The following ASPSCR1 variants were observed in gnomAD, a reference collection of about 807,000 sequenced individuals.
ASPSCR1 encodes tether containing UBX domain for GLUT4.
In ASPSCR1, 55 loss-of-function variants were observed where a neutral mutation model predicts 68.9. That is an observed-to-expected ratio of 0.80 (90% CI 0.64 to 1.00). The LOEUF is 1.00. Among genes scored for constraint, ASPSCR1 ranks in the 50% least tolerant of loss-of-function variants. The pLI is 0.00. For synonymous variants in ASPSCR1, 352 were observed against 332.6 expected, an observed-to-expected ratio of 1.06 and a Z score of -0.63; for missense variants, 765 against 762.2, an observed-to-expected ratio of 1.00 and a Z score of -0.04.
intron 12 of ASPSCR1, chr17:82,015,907 C>T (rs963641327): frequency 1.2e-5 from 2 of 169,234 alleles, no homozygotes; most frequent in East Asian, 1.7e-4. Flanking sequence ...AAAGCATTCA[C>T]GGCCCTTGTT....
intron 7 of ASPSCR1, 127 bp downstream of exon 7, chr17:81,996,973 G>A (rs940536568): frequency 6.7e-7 from 1 of 1,499,908 alleles, no homozygotes; most frequent in African/African-American, 1.4e-5. Context: ...AACGCGCAGA[G>A]GAACCCAAAC....
chr17:82,000,274 G>A (rs976126483), intron 7 of ASPSCR1, among the ~76,000 whole-genome samples: 8 of 152,246 alleles, frequency 5.3e-5, no homozygotes, highest in African/African-American at 1.9e-4. Context: ...TCGCAGCCCA[G>A]AGTAGTGCCC....
intron 9 of ASPSCR1, among the ~76,000 whole-genome samples, chr17:82,010,392 G>A (rs1185622460): frequency 1.4e-4 from 22 of 151,914 alleles, no homozygotes; most frequent in Admixed American, 8.5e-4. Context: ...AGTCAGGAGA[G>A]GTGGCGCACG....
chr17:81,980,522 C>T (rs975532685), intron 2 of ASPSCR1, among the ~76,000 whole-genome samples: 9 of 152,368 alleles, frequency 5.9e-5, no homozygotes, highest in Non-Finnish European at 1.0e-4. Flanking sequence ...CACCATCCTT[C>T]TCCAGTCTCT....
intron 1 of ASPSCR1, 147 bp from the exon 2 acceptor site, chr17:81,979,037 C>A: frequency 1.4e-6 from 1 of 739,270 alleles, no homozygotes; most frequent in Non-Finnish European, 2.4e-6. Flanking sequence ...GTTGCGGGGA[C>A]CGTCCATAGT....
intron 12 of ASPSCR1, chr17:82,014,450 C>T (rs113259462): frequency 1.3e-5 from 2 of 155,244 alleles, no homozygotes; most frequent in African/African-American, 4.8e-5. Flanking sequence ...CACCGTGGTG[C>T]CTTCTCTCTC....
intron 2 of ASPSCR1, chr17:81,982,822 C>CT (rs1423348068): frequency 1.6e-5 from 2 of 121,614 alleles, no homozygotes; most frequent in Non-Finnish European, 3.5e-5. Flanking sequence ...CTTTCCTTTC[C>CT]TTTTTTCTTT....
Position 81,986,717 on chromosome 17 carries a change from T to C in ASPSCR1, c.374+1110T>C, listed in dbSNP as rs995300553. On this transcript the variant is annotated intron_variant, in intron 4 of 15. Coordinates refer to ENST00000306739, the MANE Select transcript of ASPSCR1 (RefSeq NM_024083.4). This position sits in a 1 kb window ranked among gnomAD's most constrained non-coding sequence, Gnocchi z 5.2. ...GAGTTCATGTCTTGAGGACCGAGCA[T>C]AGGGCCTGTGGGAAGGTGACCGCGC... is the stretch of plus-strand genomic sequence containing the variant. Among the ~76,000 whole-genome samples, 1 of 125,238 alleles carries C rather than the reference T, an allele frequency of 8.0e-6. No homozygotes were observed. The highest frequency in any genetic ancestry group is 3.8e-5 in the African/African-American group (1 of 26,590). 82.2% of individuals were successfully genotyped at this position (125,238 alleles called of 152,430 possible). A position where few individuals can be genotyped will look rare whatever the true frequency, so the allele number is the denominator to read the frequency against.
intron 7 of ASPSCR1, chr17:82,006,465 G>A (rs975189883): frequency 1.3e-5 from 2 of 152,246 alleles, no homozygotes; most frequent in African/African-American, 4.8e-5. Context: ...TCACTGTTGT[G>A]TCTGCCCATC....
intron 5 of ASPSCR1, chr17:81,995,267 T>G: frequency 5.4e-6 from 2 of 373,586 alleles, no homozygotes; most frequent in African/African-American, 2.1e-5. Context: ...CCACGCTGGC[T>G]GAGTGCCCTT....
intron 7 of ASPSCR1, among the ~76,000 whole-genome samples, chr17:82,000,936 G>A (rs1024873598): frequency 5.9e-5 from 9 of 152,096 alleles, no homozygotes; most frequent in Non-Finnish European, 1.0e-4. Flanking sequence ...CAGCTGGCAC[G>A]AGGGCCGCTC....
At chr17:81,995,894 C>G in intron 5 of ASPSCR1, 98 bp from the exon 6 acceptor site, 2 of 1,183,470 alleles carry the variant, frequency 1.7e-6, no homozygotes, top group Non-Finnish European at 2.4e-6. Flanking sequence ...AGAGAGGGCA[C>G]GTGGCCTGTG....
chr17:82,010,418 G>A (rs995120720), intron 9 of ASPSCR1, among the ~76,000 whole-genome samples: 5 of 151,456 alleles, frequency 3.3e-5, no homozygotes, highest in Admixed American at 2.6e-4. Flanking sequence ...AGTCCCAGCT[G>A]CTCGGGAGGC....
chr17:81,984,013 C>A (rs895863266), intron 3 of ASPSCR1, among the ~76,000 whole-genome samples: 9 of 151,992 alleles, frequency 5.9e-5, no homozygotes, highest in Non-Finnish European at 1.3e-4. Flanking sequence ...CGCCACCACA[C>A]CCGGCTAATT....
rs139956530 is a variant in ASPSCR1, at chr17:81,992,231, G to T, written c.375-2590G>T. ...CCTGCGGACATTGGGACTTGCAGAG[G>T]TCTGCGTGGGGGAGGGGGAGTAGGG... On this transcript the variant is annotated intron_variant, in intron 4 of 15. Coordinates refer to ENST00000306739, the MANE Select transcript of ASPSCR1 (RefSeq NM_024083.4). Among the ~76,000 whole-genome samples, 313 of 152,350 alleles carry T rather than the reference G, an allele frequency of 2.1e-3. 2 individuals carry two copies. Among genetic ancestry groups the T allele is most frequent in the African/African-American group, 7.4e-3 (309 of 41,584 alleles).
At chr17:82,003,965 C>T (rs370721353) in intron 7 of ASPSCR1, among the ~76,000 whole-genome samples, 1 of 152,214 alleles carries the variant, frequency 6.6e-6, no homozygotes, top group East Asian at 1.9e-4. Context: ...CCTGGCGGGG[C>T]AGGCCGGGCC....
Position 81,996,607 on chromosome 17 carries a change from C to G in ASPSCR1, c.694C>G (p.Gln232Glu), listed in dbSNP as rs781535767. The change falls in exon 7 of 16, where the codon CAG (glutamine) becomes GAG (glutamate). Residue 232 changes from glutamine (Q) to glutamate (E), a missense_variant. Transcript: ENST00000306739. ...CTGCTGCGAGCACACTCAGGAGAAG[C>G]AGAGCACAAGGGCACCCGCAGCTGC... ...GPCCEHTQEK[Q>E]STRAPAAAPF... 1.2e-5 allele frequency: 20 copies of G among 1,611,466 alleles called. No homozygotes were observed. Among genetic ancestry groups the G allele is most frequent in the Non-Finnish European group, 1.6e-5 (19 of 1,178,426 alleles).
chr17:81,994,217 G>A (rs146387239), intron 4 of ASPSCR1, among the ~76,000 whole-genome samples: 1 of 152,338 alleles, frequency 6.6e-6, no homozygotes, highest in African/African-American at 2.4e-5. Flanking sequence ...CCTGCGGGGC[G>A]AGGCTCAGAA....
chr17:82,012,688 C>T (rs976369067), intron 12 of ASPSCR1, among the ~76,000 whole-genome samples: 5 of 152,262 alleles, frequency 3.3e-5, no homozygotes, highest in African/African-American at 1.2e-4. Flanking sequence ...TGGAGGCGGC[C>T]GCCTTGGGCT....
Sources: gnomAD v4.1 joint callset for allele counts (sites outside exome capture counted in the v4.1 genomes callset) on GRCh38, gnomAD v4.1.1 for gene constraint, Gnocchi (gnomAD v3.1) non-coding constraint, MANE v1.5 for transcripts, NCBI Gene and HGNC (gene_info 2026-07-23, HGNC 2026-07-21) for gene names.